RXRA: variants seen among roughly 807,000 people sequenced by gnomAD.
RXRA encodes retinoic acid receptor RXR-alpha.
Under a neutral mutation model 44.5 loss-of-function variants are expected in RXRA, and 5 were observed. The observed-to-expected ratio is 0.11, with a 90% CI of 0.06 to 0.24. The LOEUF is 0.24. Ranked by LOEUF, RXRA falls within the 10% of genes least tolerant of loss-of-function variation. The pLI is 1.00. For synonymous variants in RXRA, 291 were observed against 271.4 expected (o/e 1.07, Z -0.71); for missense variants, 412 against 646.5 (o/e 0.64, Z 3.93).
intron 1 of RXRA, among the ~76,000 whole-genome samples, chr9:134,364,950 G>T (rs1005354043): frequency 2.0e-5 from 3 of 152,236 alleles, no homozygotes; most frequent in African/African-American, 7.2e-5. Context: ...GCCTCATGTG[G>T]GTCCCTCCCC....
chr9:134,412,563 G>A (rs1831166565), intron 4 of RXRA, among the ~76,000 whole-genome samples: 2 of 152,200 alleles, frequency 1.3e-5, no homozygotes, highest in Non-Finnish European at 2.9e-5. Flanking sequence ...TGGGCAATGG[G>A]GCCTGCACGC....
rs60911611 is a variant in RXRA at position 134,343,148 on chromosome 9, CA to C, written c.28+16490del. Among the ~76,000 whole-genome samples, 13,812 of 152,198 alleles carry C rather than the reference CA, an allele frequency of 0.091. 651 individuals are homozygous for C. The highest frequency in any genetic ancestry group is 0.16 in the Admixed American group (2,447 of 15,300). On this transcript the variant is annotated intron_variant, in intron 1 of 9. Coordinates refer to ENST00000481739, the MANE Select transcript of RXRA (RefSeq NM_002957.6). This position sits in a 1 kb window ranked among gnomAD's most constrained non-coding sequence, Gnocchi z 4.1. ...GGGAAGCTGTCTGCGGCCCACAGTT[CA>C]GGGCCCCACACAGACCTTTTACATG...
At chr9:134,435,302 C>T (rs889467466) in intron 9 of RXRA, among the ~76,000 whole-genome samples, 1 of 152,176 alleles carries the variant, frequency 6.6e-6, no homozygotes, top group Non-Finnish European at 1.5e-5. Context: ...TGGTTCCGTC[C>T]CCATAGCACC....
At chr9:134,378,019 T>C (rs1000850073) in intron 1 of RXRA, among the ~76,000 whole-genome samples, 1 of 152,234 alleles carries the variant, frequency 6.6e-6, no homozygotes, top group Non-Finnish European at 1.5e-5. Flanking sequence ...GCCCCTGTGC[T>C]GTCCTCCTGG....
intron 1 of RXRA, among the ~76,000 whole-genome samples, chr9:134,354,162 C>A (rs965843991): frequency 6.6e-6 from 1 of 152,068 alleles, no homozygotes; most frequent in Non-Finnish European, 1.5e-5. Context: ...CAGCAGGCAC[C>A]AGCAGGGAAG....
At chr9:134,424,288 C>T (rs1437000557) in intron 6 of RXRA, 2 of 985,358 alleles carry the variant, frequency 2.0e-6, no homozygotes, top group Non-Finnish European at 2.4e-6. Flanking sequence ...TTCTAGGATG[C>T]CTGGAAAGCC....
At chr9:134,421,928 C>G (rs771628575) in intron 6 of RXRA, 123 bp downstream of exon 6, 19 of 1,527,872 alleles carry the variant, frequency 1.2e-5, no homozygotes, top group Non-Finnish European at 1.5e-5. Context: ...ACACTCCCCC[C>G]TCCCAGGACC....
chr9:134,374,574 C>T (rs1830529836), intron 1 of RXRA, among the ~76,000 whole-genome samples: 1 of 152,222 alleles, frequency 6.6e-6, no homozygotes, highest in African/African-American at 2.4e-5. Flanking sequence ...TCCTCCCAGA[C>T]CAAACCCCCA....
intron 1 of RXRA, among the ~76,000 whole-genome samples, chr9:134,350,842 G>A (rs1479886119): frequency 6.6e-6 from 1 of 152,234 alleles, no homozygotes; most frequent in African/African-American, 2.4e-5. Flanking sequence ...TGAGCCTGGG[G>A]CCGGCCTGGC....
intron 6 of RXRA, chr9:134,424,413 G>C (rs28681196): frequency 0.12 from 115,795 of 985,246 alleles, 15,163 homozygotes; most frequent in African/African-American, 0.63. Flanking sequence ...CCCCCTGGGC[G>C]CCCACTGAGG....
chr9:134,435,628 T>TA (rs1288930825), intron 9 of RXRA, among the ~76,000 whole-genome samples: 2 of 152,170 alleles, frequency 1.3e-5, no homozygotes, highest in Non-Finnish European at 2.9e-5. Flanking sequence ...CTTGCACCGT[T>TA]ACACAGCTCC....
At chr9:134,382,117 C>T (rs887673374) in intron 1 of RXRA, among the ~76,000 whole-genome samples, 1 of 60,190 alleles carries the variant, frequency 1.7e-5, no homozygotes, top group Admixed American at 1.6e-4. Flanking sequence ...ACATGCCCTG[C>T]CAGGATGTGG....
intron 6 of RXRA, chr9:134,422,088 A>G (rs1311440263): frequency 6.7e-6 from 9 of 1,338,690 alleles, no homozygotes; most frequent in Admixed American, 4.8e-5. Context: ...CTCCCAGGAC[A>G]CTCCCGACTC....
chr9:134,417,008 G>T lies in RXRA; in HGVS notation c.611-150G>T, dbSNP rs1831245067. 3 of 763,974 alleles carry T rather than the reference G, an allele frequency of 3.9e-6. No individual in the cohort carries two copies. The highest frequency in any genetic ancestry group is 1.8e-5 in the South Asian group (1 of 56,034). 47.3% of individuals were successfully genotyped at this position (763,974 alleles called of 1,614,324 possible). On this transcript the variant is annotated intron_variant, in intron 4 of 9. Coordinates refer to ENST00000481739, the MANE Select transcript of RXRA (RefSeq NM_002957.6). The surrounding 1 kb of genome is among the most constrained non-coding windows in gnomAD (Gnocchi z 6.1). Reference sequence around the variant, plus strand: ...CCACACGGAGGCCAGGCCTGGGGCAGAGATGGGGTCTCCATCACCCAGTGC... The same window carrying T: ...CCACACGGAGGCCAGGCCTGGGGCATAGATGGGGTCTCCATCACCCAGTGC...
At chr9:134,396,493 A>G (rs568407571) in intron 1 of RXRA, among the ~76,000 whole-genome samples, 50 of 151,982 alleles carry the variant, frequency 3.3e-4, no homozygotes, top group Non-Finnish European at 6.8e-4. Context: ...AGCTGCTTGC[A>G]ACGGGGTTTC....
intron 1 of RXRA, among the ~76,000 whole-genome samples, chr9:134,345,152 T>C (rs1401444150): frequency 6.6e-6 from 1 of 152,120 alleles, no homozygotes; most frequent in East Asian, 1.9e-4. Context: ...TGCCAGTGGC[T>C]GAGAAAATGA....
intron 1 of RXRA, among the ~76,000 whole-genome samples, chr9:134,367,040 C>G (rs984646202): frequency 1.2e-4 from 18 of 152,162 alleles, no homozygotes; most frequent in Non-Finnish European, 4.4e-5. Flanking sequence ...GGTTGAGATA[C>G]GGGTCACCTC....
At chr9:134,412,797 C>T (rs1345005684) in intron 4 of RXRA, among the ~76,000 whole-genome samples, 1 of 152,172 alleles carries the variant, frequency 6.6e-6, no homozygotes, top group Non-Finnish European at 1.5e-5. Context: ...ATGGAAAAGA[C>T]CTAGCTTCCA....
intron 1 of RXRA, among the ~76,000 whole-genome samples, chr9:134,362,514 C>T (rs1031028616): frequency 2.6e-5 from 4 of 152,332 alleles, no homozygotes; most frequent in South Asian, 2.1e-4. Flanking sequence ...GGGCAGGAGC[C>T]GAGTCTGCCT....
Sources: gnomAD v4.1 joint callset for allele counts (sites outside exome capture counted in the v4.1 genomes callset) on GRCh38, gnomAD v4.1.1 for gene constraint, Gnocchi (gnomAD v3.1) non-coding constraint, MANE v1.5 for transcripts, NCBI Gene and HGNC (gene_info 2026-07-23, HGNC 2026-07-21) for gene names.